Variants in ATF2 observed in about 807,000 individuals in gnomAD.
ATF2 encodes the protein cyclic AMP-dependent transcription factor ATF-2.
Under a neutral mutation model 60.6 loss-of-function variants are expected in ATF2, and 24 were observed. That is an observed-to-expected ratio of 0.40 (90% confidence interval 0.29 to 0.56). The LOEUF (loss-of-function observed/expected upper bound fraction) is 0.56. ATF2 is among the 20% of genes least tolerant of loss of function. ATF2 has a pLI of 0.54. For missense variants in ATF2, 433 were observed against 607.7 expected, an observed-to-expected ratio of 0.71 and a Z score of 3.02; for synonymous variants, 206 against 215.4, an observed-to-expected ratio of 0.96 and a Z score of 0.38.
intron 12 of ATF2, among the ~76,000 whole-genome samples, chr2:175,082,306 A>C (rs1318931717): frequency 1.3e-5 from 2 of 152,190 alleles, no homozygotes; most frequent in Non-Finnish European, 2.9e-5. Flanking sequence ...TTGAGGCAAG[A>C]ATGGGTAGAT....
intron 4 of ATF2, among the ~76,000 whole-genome samples, chr2:175,125,913 T>C (rs1470612581): frequency 1.3e-5 from 2 of 152,160 alleles, no homozygotes; most frequent in South Asian, 2.1e-4. Context: ...CCAAATATGC[T>C]GTGATATTCC....
intron 12 of ATF2, among the ~76,000 whole-genome samples, chr2:175,091,516 A>AG (rs2105583418): frequency 6.6e-6 from 1 of 152,314 alleles, no homozygotes; most frequent in South Asian, 2.1e-4. Context: ...TTAAAAAAAA[A>AG]GAAAATTTAG....
intron 1 of ATF2, among the ~76,000 whole-genome samples, chr2:175,156,377 CAAAAAAAAAAAAAAAA>C (rs57399474): frequency 8.9e-5 from 5 of 55,982 alleles, no homozygotes; most frequent in African/African-American, 2.9e-4. Context: ...TCTCAAAAAA[CAAAAAAAAAAAAAAAA>C]AAAAAAAAAA....
chr2:175,136,512 G>T, intron 2 of ATF2, 26 bp from the exon 3 acceptor site: 1 of 1,365,982 alleles, frequency 7.3e-7, no homozygotes, highest in Non-Finnish European at 1.0e-6. Context: ...GTTTCACACT[G>T]TTAAAAATAG....
intron 3 of ATF2, among the ~76,000 whole-genome samples, chr2:175,130,426 T>C (rs1161789269): frequency 3.3e-5 from 5 of 152,106 alleles, no homozygotes; most frequent in Non-Finnish European, 7.4e-5. Context: ...TTAGGAACAC[T>C]GCTCTGTCAG....
At chr2:175,158,551 G>A (rs185028833) in intron 1 of ATF2, among the ~76,000 whole-genome samples, 1 of 152,158 alleles carries the variant, frequency 6.6e-6, no homozygotes, top group Non-Finnish European at 1.5e-5. Context: ...GTGCCTTAAA[G>A]CTTCCTGATC....
intron 11 of ATF2, among the ~76,000 whole-genome samples, chr2:175,094,402 C>CG (rs1491306630): frequency 5.4e-4 from 5 of 9,220 alleles, no homozygotes; most frequent in East Asian, 7.9e-3. Flanking sequence ...TCAAAAAATA[C>CG]GAAAAAAAAA....
In ATF2 at chr2:175,111,621, G is replaced by A. The variant is rs778905720; in HGVS notation, c.775C>T (p.Pro259Ser). The A allele has an allele frequency of 6.2e-7, 1 of 1,613,838 alleles. No homozygotes were observed. The highest frequency in any genetic ancestry group is 2.2e-5 in the East Asian group (1 of 44,824). The change falls in exon 10 of 14, where the codon CCA (proline) becomes TCA (serine). Residue 259 changes from proline to serine, a missense_variant. This residue lies in a region of ATF2 where 246 missense variants were observed against 309.3 expected (regional missense o/e 0.80). Transcript: ENST00000264110. ...GGAGAGGAAGGACCTGGGATTCCTGGAACACTAGGCACCATGGTGACTGGT... is the reference window on the plus strand; with the variant it reads ...GGAGAGGAAGGACCTGGGATTCCTGAAACACTAGGCACCATGGTGACTGGT... ...VRPVTMVPSV[P>S]GIPGPSSPQP...
chr2:175,123,146 TTTATCA>T (rs1437140466), intron 4 of ATF2, among the ~76,000 whole-genome samples: 2 of 152,048 alleles, frequency 1.3e-5, no homozygotes, highest in African/African-American at 2.4e-5. Flanking sequence ...TTCCTATTAC[TTTATCA>T]TTATAAGAAT....
chr2:175,160,734 T>TG, intron 1 of ATF2, among the ~76,000 whole-genome samples: 1 of 152,138 alleles, frequency 6.6e-6, no homozygotes, highest in East Asian at 1.9e-4. Flanking sequence ...ATGTTTATAA[T>TG]AGGATTGGTG....
At chr2:175,087,092 C>G (rs1346776955) in intron 12 of ATF2, among the ~76,000 whole-genome samples, 1 of 152,074 alleles carries the variant, frequency 6.6e-6, no homozygotes, top group African/African-American at 2.4e-5. Flanking sequence ...ATACCTCTTA[C>G]TATTTTGTGG....
intron 2 of ATF2, among the ~76,000 whole-genome samples, chr2:175,144,715 T>C (rs924487510): frequency 3.3e-5 from 5 of 152,124 alleles, no homozygotes; most frequent in Non-Finnish European, 7.4e-5. Context: ...TGGTCAGCCC[T>C]GCATTTAATG....
chr2:175,157,702 C>A (rs987256883), intron 1 of ATF2, among the ~76,000 whole-genome samples: 21 of 152,114 alleles, frequency 1.4e-4, no homozygotes, highest in Non-Finnish European at 2.9e-4. Context: ...TTTCAAACAT[C>A]TGTTATCATG....
At chr2:175,115,225 G>A (rs1468295713) in intron 7 of ATF2, among the ~76,000 whole-genome samples, 1 of 151,370 alleles carries the variant, frequency 6.6e-6, no homozygotes, top group African/African-American at 2.4e-5. Context: ...AATCCAGAAG[G>A]GACTGTTTAG....
At chr2:175,100,840 G>A (rs1695262994) in intron 10 of ATF2, among the ~76,000 whole-genome samples, 1 of 152,148 alleles carries the variant, frequency 6.6e-6, no homozygotes, top group Non-Finnish European at 1.5e-5. Context: ...TCCCATTCCA[G>A]CCAATGGAAA....
At chr2:175,095,785 T>C (rs976578278) in intron 11 of ATF2, among the ~76,000 whole-genome samples, 1 of 152,224 alleles carries the variant, frequency 6.6e-6, no homozygotes, top group African/African-American at 2.4e-5. Flanking sequence ...GAAACTATAG[T>C]TAGTGCAAGA....
chr2:175,116,204 G>T (rs1249031864), intron 7 of ATF2, among the ~76,000 whole-genome samples: 1 of 152,098 alleles, frequency 6.6e-6, no homozygotes, highest in Non-Finnish European at 1.5e-5. Flanking sequence ...GTAGAAGCAG[G>T]AAGACAAGTT....
At position 175,151,482 on chromosome 2, in the gene ATF2, G is replaced by A. The variant is rs34550064; in HGVS notation, c.-142-324C>T. 1.3e-3 allele frequency among the ~76,000 whole-genome samples: 199 copies of A among 152,140 alleles called. 2 individuals carry two copies. Among genetic ancestry groups the A allele is most frequent in the South Asian group, 0.011 (52 of 4,828 alleles). On this transcript the variant is annotated intron_variant, in intron 1 of 13. Coordinates refer to ENST00000264110, the MANE Select transcript of ATF2 (RefSeq NM_001880.4). ...TGAAAGTAGAAAAATGAAAGAGGAG[G>A]AGTCATAGATAACAGGTGAAATGTC...
At chr2:175,081,862 C>G (rs1693780079) in intron 12 of ATF2, among the ~76,000 whole-genome samples, 1 of 152,108 alleles carries the variant, frequency 6.6e-6, no homozygotes, top group Non-Finnish European at 1.5e-5. Context: ...ACCAGCCTGG[C>G]CAACATGGTG....
Sources: allele counts gnomAD v4.1 joint callset (sites outside exome capture counted in the v4.1 genomes callset), GRCh38; gene constraint gnomAD v4.1.1; regional missense constraint gnomAD v4.1.1; transcripts MANE v1.5; gene names NCBI Gene and HGNC (gene_info 2026-07-23, HGNC 2026-07-21).